REXO4: variants seen among roughly 807,000 people sequenced by gnomAD.
The protein encoded by REXO4 is REX4 homolog, 3'-5' exonuclease.
REXO4 carries 29 observed loss-of-function variants against 39.9 expected under a neutral mutation model. The ratio of observed to expected loss-of-function variants is 0.73; its 90% CI spans 0.54 to 0.99. REXO4 has a LOEUF of 0.99. Among genes scored for constraint, REXO4 ranks in the 50% least tolerant of loss-of-function variants. REXO4 has a pLI of 0.00. For synonymous variants in REXO4, 184 were observed against 206.2 expected (o/e 0.89, Z 0.92); for missense variants, 524 against 546.5 (o/e 0.96, Z 0.41).
chr9:133,417,847 T>G lies in REXO4; in HGVS notation c.-3A>C. The G allele has an allele frequency of 6.3e-7, 1 of 1,598,204 alleles. No individual in the cohort carries two copies. The highest frequency in any genetic ancestry group is 1.3e-5 in the African/African-American group (1 of 74,930). On this transcript the variant is annotated 5_prime_UTR_variant, in exon 1 of 8. Transcript: ENST00000371942. ...GCGGGGACCTTCGCCTTCCCCATCC[T>G]GCTGCCGTCCAGCGCCTGGGCCGGC...
intron 3 of REXO4, 82 bp from the exon 4 acceptor site, chr9:133,412,574 TAA>T: frequency 6.6e-7 from 1 of 1,509,118 alleles, no homozygotes; most frequent in Admixed American, 1.7e-5. Flanking sequence ...ATCCATGGAC[TAA>T]GTGTCAGCAG....
chr9:133,407,713 C>T, intron 7 of REXO4, 94 bp downstream of exon 7: 1 of 927,684 alleles, frequency 1.1e-6, no homozygotes. Context: ...TGCCCAAGCC[C>T]CACCTCCCCC....
intron 2 of REXO4, among the ~76,000 whole-genome samples, chr9:133,413,996 G>A (rs28675874): frequency 0.058 from 8,769 of 152,316 alleles, 340 homozygotes; most frequent in Non-Finnish European, 0.087. Flanking sequence ...TTATGAACAC[G>A]TCACCTCCAG....
At chr9:133,414,066 G>C (rs781854884) in intron 2 of REXO4, among the ~76,000 whole-genome samples, 1 of 152,238 alleles carries the variant, frequency 6.6e-6, no homozygotes, top group African/African-American at 2.4e-5. Flanking sequence ...GGCCAGCACA[G>C]GGTTTATTCT....
At chr9:133,409,698 A>C (rs993363316) in intron 5 of REXO4, among the ~76,000 whole-genome samples, 3 of 152,194 alleles carry the variant, frequency 2.0e-5, no homozygotes, top group Admixed American at 1.3e-4. Flanking sequence ...AGTAGCTGGG[A>C]CAACAGGCAC....
At chr9:133,415,736 T>G (rs587709698) in intron 1 of REXO4, 11 of 152,346 alleles carry the variant, frequency 7.2e-5, no homozygotes, top group African/African-American at 2.6e-4. Context: ...AGTTTCCCTA[T>G]AGCACACATC....
At chr9:133,415,671 G>A (rs961853975) in intron 1 of REXO4, 5 of 152,260 alleles carry the variant, frequency 3.3e-5, no homozygotes, top group Admixed American at 3.3e-4. Context: ...CCTGTTCTGT[G>A]ATAGGTAAAG....
chr9:133,415,381 T>C (rs1185503883), intron 1 of REXO4, among the ~76,000 whole-genome samples: 1 of 151,914 alleles, frequency 6.6e-6, no homozygotes, highest in Non-Finnish European at 1.5e-5. Flanking sequence ...CCCTCACAGC[T>C]TGGGCCAACA....
intron 7 of REXO4, 22 bp downstream of exon 7, chr9:133,407,785 C>T: frequency 6.2e-7 from 1 of 1,609,126 alleles, no homozygotes; most frequent in South Asian, 1.1e-5. Context: ...ACCCCATGAA[C>T]TACCCCACAG....
chr9:133,412,745 C>G (rs782160887), intron 3 of REXO4, 33 bp downstream of exon 3: 2 of 1,603,680 alleles, frequency 1.2e-6, no homozygotes, highest in Admixed American at 3.3e-5. Context: ...GCTAAGCATC[C>G]CCAGCAGACC....
At chr9:133,407,662 C>A in intron 7 of REXO4, 145 bp downstream of exon 7, 1 of 582,682 alleles carries the variant, frequency 1.7e-6, no homozygotes, top group Non-Finnish European at 3.0e-6. Flanking sequence ...TCCGCTCTAC[C>A]ATTTTTTTTT....
In REXO4 at chr9:133,406,927, G is replaced by A. The variant is rs1554778913; in HGVS notation, c.*26C>T. 2 of 1,607,560 alleles carry A rather than the reference G, an allele frequency of 1.2e-6. No homozygotes were observed. Among genetic ancestry groups the A allele is most frequent in the African/African-American group, 1.3e-5 (1 of 75,042 alleles). On this transcript the variant is annotated 3_prime_UTR_variant, in exon 8 of 8. Transcript: ENST00000371942. Reference sequence around the variant, plus strand: ...CTGGTCACATTGCCTCTGTAGCGGGGCGGCAGCAGCAGCAGGGCAGGACTG... The same window carrying A: ...CTGGTCACATTGCCTCTGTAGCGGGACGGCAGCAGCAGCAGGGCAGGACTG...
Position 133,406,849 on chromosome 9 carries a change from G to C in REXO4, c.*104C>G, listed in dbSNP as rs1588126511. 1 of 1,541,328 alleles carries C rather than the reference G, an allele frequency of 6.5e-7. No homozygotes were observed. The highest frequency in any genetic ancestry group is 2.3e-5 in the East Asian group (1 of 44,210). The stretch of plus-strand genomic sequence containing the variant: ...CGCCACGCCCCTCTGCCATGATTCT[G>C]AAAAGGTTTCACCAGAGTTGCCACT... On this transcript the variant is annotated 3_prime_UTR_variant, in exon 8 of 8. Transcript: ENST00000371942.
intron 2 of REXO4, among the ~76,000 whole-genome samples, chr9:133,413,771 A>C (rs1475259455): frequency 6.6e-6 from 1 of 152,154 alleles, no homozygotes; most frequent in African/African-American, 2.4e-5. Flanking sequence ...TCTCCTCACT[A>C]GATTTATCCT....
At chr9:133,414,389 C>T (rs188462603) in intron 2 of REXO4, 2 of 647,026 alleles carry the variant, frequency 3.1e-6, no homozygotes, top group South Asian at 3.0e-5. Context: ...AGGCCTCATA[C>T]TTGGGTCTTT....
chr9:133,413,093 T>C (rs1362440886), intron 2 of REXO4, among the ~76,000 whole-genome samples, 172 bp from the exon 3 acceptor site: 1 of 151,730 alleles, frequency 6.6e-6, no homozygotes, highest in Non-Finnish European at 1.5e-5. Context: ...ATTTTGATCA[T>C]CTTGGCATTT....
intron 5 of REXO4, among the ~76,000 whole-genome samples, chr9:133,410,209 G>T (rs1465856644): frequency 6.6e-6 from 1 of 152,186 alleles, no homozygotes; most frequent in Non-Finnish European, 1.5e-5. Flanking sequence ...GCTTCAAGCC[G>T]GTGGGCAGAG....
At position 133,417,754 on chromosome 9, in the gene REXO4, T is replaced by C; in HGVS notation, c.91A>G (p.Asn31Asp). Residue 31 changes from asparagine (N) to aspartate (D), a missense_variant, in exon 1 of 8, where the codon AAC becomes GAC. Asn to Asp is a conservative substitution (Grantham distance 23, BLOSUM62 1). Transcript: ENST00000371942. ...GPVKTLTRKKNKKKKRFWKSK... is the reference protein window; with the variant it reads ...GPVKTLTRKKDKKKKRFWKSK... Reference sequence around the variant, plus strand: ...TTCCAAAACCTTTTTTTCTTCTTGTTTTTCTTCCGAGTGAGCGTCTTGACA... The same window carrying C: ...TTCCAAAACCTTTTTTTCTTCTTGTCTTTCTTCCGAGTGAGCGTCTTGACA... 1 of 1,613,424 alleles carries C rather than the reference T, an allele frequency of 6.2e-7. No homozygotes were observed. The highest frequency in any genetic ancestry group is 8.5e-7 in the Non-Finnish European group (1 of 1,179,946).
Position 133,406,812 on chromosome 9 carries a change from T to C in REXO4, c.*141A>G, listed in dbSNP as rs1838899610. On this transcript the variant is annotated 3_prime_UTR_variant, in exon 8 of 8. Coordinates refer to ENST00000371942, the MANE Select transcript of REXO4 (RefSeq NM_020385.4). Reference sequence around the variant, plus strand: ...AAAGTCAAGAGGAAGGAGGACCTTCTCAGTAGCACCACGCCACGCCCCTCT... The same window carrying C: ...AAAGTCAAGAGGAAGGAGGACCTTCCCAGTAGCACCACGCCACGCCCCTCT... The C allele has an allele frequency of 2.4e-6, 3 of 1,246,970 alleles. No individual in the cohort carries two copies. In the South Asian group the frequency reaches 4.1e-5, roughly 17 times the overall value. 77.2% of individuals were successfully genotyped at this position (1,246,970 alleles called of 1,614,324 possible). A position where few individuals can be genotyped will look rare whatever the true frequency, so the allele number is the denominator to read the frequency against.
Sources: allele counts gnomAD v4.1 joint callset (sites outside exome capture counted in the v4.1 genomes callset), GRCh38; gene constraint gnomAD v4.1.1; transcripts MANE v1.5; gene names NCBI Gene and HGNC (gene_info 2026-07-23, HGNC 2026-07-21).